The following HERC2 variants were observed in gnomAD, a reference collection of about 807,000 sequenced individuals.
The protein encoded by HERC2 is E3 ubiquitin-protein ligase HERC2.
A neutral mutation model predicts 537.7 loss-of-function variants in HERC2; 102 were observed. That is an observed-to-expected ratio of 0.19 (90% CI 0.16 to 0.22). The LOEUF (loss-of-function observed/expected upper bound fraction) is 0.22, where lower values mean the gene tolerates loss of function less well. Among genes scored for constraint, HERC2 ranks in the 10% least tolerant of loss-of-function variants. HERC2 has a pLI of 1.00. For missense variants in HERC2, 4,236 were observed against 6,198.2 expected, an observed-to-expected ratio of 0.68 and a Z score of 10.63; for synonymous variants, 2,224 against 2,466.2, an observed-to-expected ratio of 0.90 and a Z score of 2.91.
At chr15:28,120,740 C>T (rs1274737950) in intron 86 of HERC2, among the ~76,000 whole-genome samples, 2 of 152,192 alleles carry the variant, frequency 1.3e-5, no homozygotes, top group Admixed American at 6.5e-5. Flanking sequence ...ATCAAATTGT[C>T]ACTGGGCCTC....
At chr15:28,119,808 G>A (rs11074319) in intron 86 of HERC2, among the ~76,000 whole-genome samples, 129,188 of 152,130 alleles carry the variant, frequency 0.85, 58,297 homozygotes, top group Non-Finnish European at 0.99. Flanking sequence ...CATACTGAAC[G>A]TTTTTGTAAC....
chr15:28,234,407 A>G, intron 26 of HERC2, 123 bp from the exon 27 acceptor site: 1 of 546,670 alleles, frequency 1.8e-6, no homozygotes, highest in Non-Finnish European at 3.1e-6. Flanking sequence ...AGCATCATTC[A>G]TATGAAAGAG....
At chr15:28,275,085 G>T in intron 5 of HERC2, 80 bp from the exon 6 acceptor site, 2 of 799,270 alleles carry the variant, frequency 2.5e-6, no homozygotes, top group Non-Finnish European at 4.1e-6. Context: ...ACTATGAAAG[G>T]GTGTGTACCA....
At chr15:28,308,460 A>G (rs2076853016) in intron 2 of HERC2, among the ~76,000 whole-genome samples, 1 of 152,170 alleles carries the variant, frequency 6.6e-6, no homozygotes, top group African/African-American at 2.4e-5. Context: ...TGGAGTCTTT[A>G]GGTTTTTCCA....
intron 2 of HERC2, among the ~76,000 whole-genome samples, chr15:28,313,759 A>C (rs2077007414): frequency 6.6e-6 from 1 of 152,216 alleles, no homozygotes; most frequent in Admixed American, 6.5e-5. Context: ...TCAGACAGGA[A>C]CATTAAGTAC....
chr15:28,293,366 G>A (rs189882144), intron 3 of HERC2, among the ~76,000 whole-genome samples: 2,954 of 151,748 alleles, frequency 0.019, 94 homozygotes, highest in African/African-American at 0.066. Context: ...GGTGGCGGGC[G>A]CCTGTAGTCC....
chr15:28,256,645 C>T (rs770085581), intron 17 of HERC2, among the ~76,000 whole-genome samples: 6 of 152,142 alleles, frequency 3.9e-5, no homozygotes, highest in Non-Finnish European at 8.8e-5. Context: ...ACCAAAAAAG[C>T]TGCCACAGGT....
At chr15:28,312,410 A>G (rs1239961147) in intron 2 of HERC2, among the ~76,000 whole-genome samples, 1 of 152,414 alleles carries the variant, frequency 6.6e-6, no homozygotes, top group East Asian at 1.9e-4. Context: ...AGACAGAAGA[A>G]CTGCTTGAGG....
rs1377880337 is a variant in HERC2 at position 28,270,675 on chromosome 15, C to T, written c.1257+20G>A. 2 of 1,609,050 alleles carry T rather than the reference C, an allele frequency of 1.2e-6. No individual in the cohort carries two copies. The highest frequency in any genetic ancestry group is 1.3e-5 in the African/African-American group (1 of 74,836). On this transcript the variant is annotated intron_variant, in intron 10 of 92. Coordinates refer to ENST00000261609, the MANE Select transcript of HERC2 (RefSeq NM_004667.6). ...TACTAGCTACAAAACACATGGAGAA[C>T]ACGGTTCTTGCACACACACCTTATG... is the stretch of plus-strand genomic sequence containing the variant.
chr15:28,233,511 C>G lies in HERC2; in HGVS notation c.4402G>C (p.Val1468Leu), dbSNP rs754810810. The change falls in exon 29 of 93, where the codon GTA becomes CTA. Residue 1468 changes from valine to leucine, a missense_variant. Val to Leu is a conservative substitution (Grantham distance 32). Around this residue, in one of 27 missense-constraint regions of HERC2, gnomAD observed 94 missense variants for 174.9 expected, o/e 0.54. Coordinates refer to ENST00000261609, the MANE Select transcript of HERC2 (RefSeq NM_004667.6). ...VHAGALGIEQ[V>L]KHRTLPKSVV... ...GACTTAGGCAACGTTCTGTGCTTTA[C>G]TTGCTCAATACCAAGTGCACCTGCA... is the stretch of plus-strand genomic sequence containing the variant. The G allele has an allele frequency of 6.4e-7, 1 of 1,566,024 alleles. No individual in the cohort carries two copies. The highest frequency in any genetic ancestry group is 2.2e-5 in the East Asian group (1 of 44,638).
chr15:28,231,590 A>C (rs1009079801), intron 30 of HERC2, among the ~76,000 whole-genome samples: 2 of 152,188 alleles, frequency 1.3e-5, no homozygotes, highest in African/African-American at 2.4e-5. Flanking sequence ...AGAGCTAAGC[A>C]CATCCACGTG....
chr15:28,190,763 T>C (rs1226960064), intron 55 of HERC2: 6 of 579,916 alleles, frequency 1.0e-5, no homozygotes, highest in South Asian at 2.3e-5. Flanking sequence ...ATGAAATTTG[T>C]TTCCTTTTCA....
intron 85 of HERC2, among the ~76,000 whole-genome samples, chr15:28,121,835 G>A (rs924464008): frequency 3.3e-5 from 5 of 152,184 alleles, no homozygotes; most frequent in Non-Finnish European, 7.3e-5. Flanking sequence ...TTAAACCACT[G>A]CCTGCCATAC....
chr15:28,166,760 G>C (rs993777442), intron 68 of HERC2, among the ~76,000 whole-genome samples: 3 of 151,428 alleles, frequency 2.0e-5, no homozygotes, highest in African/African-American at 7.3e-5. Flanking sequence ...GGGAGTCCCA[G>C]TGACCGAGTC....
At chr15:28,287,732 T>G (rs2076196262) in intron 4 of HERC2, among the ~76,000 whole-genome samples, 5 of 143,332 alleles carry the variant, frequency 3.5e-5, no homozygotes, top group Admixed American at 1.4e-4. Flanking sequence ...TTTTTTTTTT[T>G]TTTTTTGGTT....
intron 9 of HERC2, among the ~76,000 whole-genome samples, chr15:28,271,461 G>T (rs1488685493): frequency 6.6e-6 from 1 of 152,160 alleles, no homozygotes; most frequent in Non-Finnish European, 1.5e-5. Flanking sequence ...AAGGTCGAGA[G>T]ATCGAGACCA....
chr15:28,223,327 C>T (rs905720201), intron 35 of HERC2, among the ~76,000 whole-genome samples: 11 of 152,082 alleles, frequency 7.2e-5, no homozygotes, highest in African/African-American at 1.7e-4. Context: ...TTTTCTCCTC[C>T]AGGTGGGCGG....
rs771844727 is a variant in HERC2 at position 28,202,436 on chromosome 15, T to C, written c.7391A>G (p.Gln2464Arg). ...SPVPALPIVV[Q>R]LMEMGFSRRN... ...TCTGGAAAATCCCATCTCCATGAGC[T>C]GCACCACGATCGGCAGAGCGGGAAC... The change falls in exon 46 of 93, where the codon CAG becomes CGG. Residue 2464 changes from glutamine to arginine, a missense_variant. This residue lies in a region of HERC2 where 35 missense variants were observed against 68.7 expected (regional missense o/e 0.51). Transcript: ENST00000261609. The C allele has an allele frequency of 1.3e-6, 2 of 1,551,262 alleles. No individual in the cohort carries two copies. The highest frequency in any genetic ancestry group is 2.7e-5 in the African/African-American group (2 of 73,570).
chr15:28,300,183 T>C (rs1178845167), intron 2 of HERC2, among the ~76,000 whole-genome samples: 3 of 151,002 alleles, frequency 2.0e-5, no homozygotes, highest in African/African-American at 7.3e-5. Flanking sequence ...GGAGGGGACA[T>C]GGACAAAGGC....
Sources: gnomAD v4.1 joint callset for allele counts (sites outside exome capture counted in the v4.1 genomes callset) on GRCh38, gnomAD v4.1.1 for gene constraint, gnomAD v4.1.1 regional missense constraint, MANE v1.5 for transcripts, NCBI Gene and HGNC (gene_info 2026-07-23, HGNC 2026-07-21) for gene names.